DACH2: variants seen among roughly 807,000 people sequenced by gnomAD.
DACH2 encodes the protein dachshund homolog 2.
DACH2 carries 17 observed loss-of-function variants against 35.8 expected under a neutral mutation model. The observed-to-expected ratio is 0.48, with a 90% CI of 0.33 to 0.71. The LOEUF (loss-of-function observed/expected upper bound fraction) is 0.71, where lower values mean the gene tolerates loss of function less well. Ranked by LOEUF, DACH2 falls within the 30% of genes least tolerant of loss-of-function variation. DACH2 has a pLI of 0.02. For synonymous variants in DACH2, 195 were observed against 177.3 expected, an observed-to-expected ratio of 1.10 and a Z score of -0.79; for missense variants, 469 against 472.7, an observed-to-expected ratio of 0.99 and a Z score of 0.07.
intron 4 of DACH2, among the ~76,000 whole-genome samples, chrX:86,676,200 G>C (rs1244560896): frequency 8.9e-6 from 1 of 111,780 alleles, no homozygotes; most frequent in Non-Finnish European, 1.9e-5. Flanking sequence ...GGGAAATTGT[G>C]GGTAAAATAG....
rs1266393634 is a variant in DACH2, at chrX:86,537,865, C to T, written c.640+23474C>T. Among the ~76,000 whole-genome samples the T allele has an allele frequency of 6.3e-5, 7 of 111,277 alleles. No homozygotes were observed. The East Asian group carries it at 1.1e-3, about 18-fold the overall frequency. On this transcript the variant is annotated intron_variant, in intron 3 of 11. Coordinates refer to ENST00000373125, the MANE Select transcript of DACH2 (RefSeq NM_053281.3). ...GAATCACAAAAGAAGTGAAAATGGC[C>T]GGTTCCTGCCTTAACTGATGACATT...
chrX:86,394,924 G>A (rs1243427789), intron 2 of DACH2, among the ~76,000 whole-genome samples: 1 of 111,654 alleles, frequency 9.0e-6, no homozygotes, highest in Non-Finnish European at 1.9e-5. Flanking sequence ...ACTCAATAAA[G>A]TGCTCTGTGC....
intron 3 of DACH2, among the ~76,000 whole-genome samples, chrX:86,589,614 AG>A (rs200244491): frequency 0.011 from 1,237 of 111,611 alleles, 24 homozygotes; most frequent in African/African-American, 0.039. Context: ...AGAGTTCTAT[AG>A]TTTTCACAAA....
intron 2 of DACH2, among the ~76,000 whole-genome samples, chrX:86,497,365 A>T (rs1396436422): frequency 8.9e-6 from 1 of 112,069 alleles, no homozygotes; most frequent in East Asian, 2.8e-4. Context: ...AGAGTATGCA[A>T]GCTAATCCAT....
intron 2 of DACH2, among the ~76,000 whole-genome samples, chrX:86,503,269 C>T (rs903398469): frequency 1.8e-5 from 2 of 111,619 alleles, no homozygotes; most frequent in Non-Finnish European, 3.8e-5. Context: ...AGTAAAACTA[C>T]GGTTTTACAA....
intron 1 of DACH2, among the ~76,000 whole-genome samples, chrX:86,333,304 G>A (rs778344998): frequency 8.9e-6 from 1 of 111,847 alleles, no homozygotes; most frequent in African/African-American, 3.2e-5. Flanking sequence ...TTATGAAAAA[G>A]GTGAGCCTAT....
chrX:86,382,400 A>G (rs1243273757), intron 2 of DACH2, among the ~76,000 whole-genome samples: 1 of 108,947 alleles, frequency 9.2e-6, no homozygotes, highest in African/African-American at 3.3e-5. Flanking sequence ...TAAAGTAGAA[A>G]AGGGAATCAG....
intron 1 of DACH2, among the ~76,000 whole-genome samples, chrX:86,321,153 C>A (rs1459632526): frequency 3.6e-5 from 4 of 111,559 alleles, no homozygotes; most frequent in African/African-American, 6.5e-5. Flanking sequence ...CCCCTTTTAG[C>A]TAAGAAATTG....
At chrX:86,173,289 T>C (rs941304840) in intron 1 of DACH2, among the ~76,000 whole-genome samples, 5 of 112,055 alleles carry the variant, frequency 4.5e-5, no homozygotes, top group African/African-American at 9.7e-5. Context: ...TTCTAGTGTA[T>C]GGTATTGTGG....
chrX:86,489,564 A>G (rs963855349), intron 2 of DACH2, among the ~76,000 whole-genome samples: 1 of 111,470 alleles, frequency 9.0e-6, no homozygotes, highest in Non-Finnish European at 1.9e-5. Context: ...TGCGTATGTT[A>G]ATTAGCTTGA....
intron 7 of DACH2, among the ~76,000 whole-genome samples, chrX:86,751,014 C>A (rs2147271367): frequency 9.0e-6 from 1 of 111,035 alleles, no homozygotes; most frequent in African/African-American, 3.3e-5. Flanking sequence ...TTTTGAGGAG[C>A]TACCATACTG....
rs756643105 is a variant in DACH2, at chrX:86,173,649, A to G, written c.488+24541A>G. On this transcript the variant is annotated intron_variant, in intron 1 of 11. Coordinates refer to ENST00000373125, the MANE Select transcript of DACH2 (RefSeq NM_053281.3). ...GAGTGTTCATAATGGAGTAGGAAAG[A>G]GATCATAATGGTAATATTGGGGAGT... Among the ~76,000 whole-genome samples the G allele has an allele frequency of 4.5e-5, 5 of 111,896 alleles. No individual in the cohort carries two copies. The East Asian group carries it at 1.4e-3, about 32-fold the overall frequency.
intron 1 of DACH2, among the ~76,000 whole-genome samples, chrX:86,290,330 T>C (rs1382592431): frequency 1.5e-5 from 1 of 67,653 alleles, no homozygotes; most frequent in Non-Finnish European, 2.8e-5. Context: ...TAGCCCTTTG[T>C]CAGATGAGTA....
intron 2 of DACH2, among the ~76,000 whole-genome samples, chrX:86,397,431 A>T (rs1211972233): frequency 7.2e-5 from 8 of 111,514 alleles, no homozygotes; most frequent in Non-Finnish European, 9.4e-5. Flanking sequence ...CACTATGGTG[A>T]ATAGGAGTGG....
chrX:86,631,319 A>G (rs1411541823), intron 3 of DACH2, among the ~76,000 whole-genome samples: 1 of 112,003 alleles, frequency 8.9e-6, no homozygotes, highest in Non-Finnish European at 1.9e-5. Context: ...ATTTGGAAAG[A>G]TTTGCATCTT....
At chrX:86,579,596 T>C (rs988985978) in intron 3 of DACH2, among the ~76,000 whole-genome samples, 1 of 111,992 alleles carries the variant, frequency 8.9e-6, no homozygotes, top group Non-Finnish European at 1.9e-5. Flanking sequence ...TATTTCCACC[T>C]ATTCTGTAGC....
chrX:86,704,297 G>C (rs1406819528), intron 5 of DACH2, among the ~76,000 whole-genome samples: 2 of 111,313 alleles, frequency 1.8e-5, no homozygotes, highest in Non-Finnish European at 3.8e-5. Context: ...AAATAAACTT[G>C]AGATGGATTA....
chrX:86,591,850 T>C (rs768658237), intron 3 of DACH2, among the ~76,000 whole-genome samples: 75 of 111,315 alleles, frequency 6.7e-4, no homozygotes, highest in Non-Finnish European at 1.1e-3. Context: ...TGGCTAAATT[T>C]TTAATTTGAT....
At chrX:86,153,257 TA>T in intron 1 of DACH2, among the ~76,000 whole-genome samples, 1 of 111,836 alleles carries the variant, frequency 8.9e-6, no homozygotes, top group East Asian at 2.8e-4. Flanking sequence ...ATTCAGTTTT[TA>T]AAGTAAAATT....
Sources: gnomAD v4.1 joint callset for allele counts (sites outside exome capture counted in the v4.1 genomes callset) on GRCh38, gnomAD v4.1.1 for gene constraint, MANE v1.5 for transcripts, NCBI Gene and HGNC (gene_info 2026-07-23, HGNC 2026-07-21) for gene names.